Variants in LMCD1 observed in about 807,000 individuals in gnomAD.
The protein encoded by LMCD1 is LIM and cysteine rich domains 1.
A neutral mutation model predicts 42.7 loss-of-function variants in LMCD1; 32 were observed. The ratio of observed to expected loss-of-function variants is 0.75; its 90% CI spans 0.57 to 1.01. The LOEUF is 1.01. LMCD1 is among the 50% of genes least tolerant of loss of function. The probability of loss-of-function intolerance (pLI) is 0.00; values close to 1 mark genes in which losing one functional copy is unlikely to be tolerated. For synonymous variants in LMCD1, 178 were observed against 184.9 expected, an observed-to-expected ratio of 0.96 and a Z score of 0.30; for missense variants, 458 against 483.1, an observed-to-expected ratio of 0.95 and a Z score of 0.49.
chr3:8,501,923 C>T lies in LMCD1; in HGVS notation c.-16C>T, dbSNP rs756480461. The T allele has an allele frequency of 8.8e-6, 14 of 1,585,214 alleles. No individual in the cohort carries two copies. The highest frequency in any genetic ancestry group is 3.4e-5 in the South Asian group (3 of 87,614). ...TGCCTGAGAAGCCAGGCGCTGTTCC[C>T]CCACCCCAGAAGAGGATGGCAAAGG... On this transcript the variant is annotated 5_prime_UTR_variant, in exon 1 of 6. Coordinates refer to ENST00000157600, the MANE Select transcript of LMCD1 (RefSeq NM_014583.4).
intron 1 of LMCD1, among the ~76,000 whole-genome samples, chr3:8,503,850 G>A (rs780105938): frequency 3.3e-5 from 5 of 152,200 alleles, no homozygotes; most frequent in Admixed American, 6.5e-5. Flanking sequence ...ATATAAGCTG[G>A]TTGATAGTTA....
intron 1 of LMCD1, among the ~76,000 whole-genome samples, chr3:8,511,225 A>G (rs1377550069): frequency 6.6e-6 from 1 of 152,254 alleles, no homozygotes; most frequent in African/African-American, 2.4e-5. Flanking sequence ...TCACCATTAA[A>G]AGACCTAATG....
chr3:8,510,556 GT>G (rs1693976054), intron 1 of LMCD1, among the ~76,000 whole-genome samples: 1 of 152,142 alleles, frequency 6.6e-6, no homozygotes, highest in Non-Finnish European at 1.5e-5. Flanking sequence ...TCTTTCTACT[GT>G]GAATAAAGAC....
chr3:8,518,189 T>C (rs1694132966), intron 1 of LMCD1, among the ~76,000 whole-genome samples: 2 of 152,336 alleles, frequency 1.3e-5, no homozygotes, highest in South Asian at 4.1e-4. Context: ...CAGCAAATCA[T>C]TCAAGGGCAG....
intron 1 of LMCD1, among the ~76,000 whole-genome samples, chr3:8,527,253 G>A (rs1490093096): frequency 1.3e-5 from 2 of 152,332 alleles, no homozygotes; most frequent in Middle Eastern, 3.4e-3. Flanking sequence ...TTAAAGGCCA[G>A]TATAGGAAAA....
Position 8,537,449 on chromosome 3 carries a change from G to C in LMCD1, c.387+9G>C. The C allele has an allele frequency of 1.3e-6, 2 of 1,553,926 alleles. No homozygotes were observed. The highest frequency in any genetic ancestry group is 2.5e-5 in the South Asian group (2 of 81,268). On this transcript the variant is annotated intron_variant, in intron 3 of 5. Coordinates refer to ENST00000157600, the MANE Select transcript of LMCD1 (RefSeq NM_014583.4). The stretch of plus-strand genomic sequence containing the variant: ...GAGTCACCCAGAAACTGGTAAGAGA[G>C]CTTCCCCAACCAAGCAGTTGTTTTC...
chr3:8,525,707 G>A (rs779464385), intron 1 of LMCD1, among the ~76,000 whole-genome samples: 3 of 152,188 alleles, frequency 2.0e-5, no homozygotes, highest in Non-Finnish European at 4.4e-5. Context: ...TCCAGGAAGG[G>A]AGATTATTAA....
intron 4 of LMCD1, among the ~76,000 whole-genome samples, chr3:8,564,929 C>T: frequency 6.6e-6 from 1 of 152,164 alleles, no homozygotes. Context: ...TTCTGCAAGT[C>T]ATTGAAGAGA....
chr3:8,522,965 G>A (rs570165413), intron 1 of LMCD1, among the ~76,000 whole-genome samples: 8 of 152,142 alleles, frequency 5.3e-5, no homozygotes, highest in African/African-American at 1.4e-4. Flanking sequence ...ACCAGTCCAC[G>A]GGATAAATTT....
rs1162178766 is a variant in LMCD1 at position 8,565,481 on chromosome 3, A to T, written c.773A>T (p.Tyr258Phe). ...GCCCCTCCTGACAGCCCCGTGGTCT[A>T]CTCGGACAGGGCAGGCTACAACAAG... ...GAAPPDSPVVYSDRAGYNKQW... is the reference protein window; with the variant it reads ...GAAPPDSPVVFSDRAGYNKQW... The change falls in exon 5 of 6, where the codon TAC becomes TTC. Residue 258 changes from tyrosine (Y) to phenylalanine (F), a missense_variant. Transcript: ENST00000157600. 6.2e-7 allele frequency: 1 copy of T among 1,614,042 alleles called. No homozygotes were observed. Among genetic ancestry groups the T allele is most frequent in the East Asian group, 2.2e-5 (1 of 44,880 alleles).
At chr3:8,527,319 A>G (rs1694319319) in intron 1 of LMCD1, among the ~76,000 whole-genome samples, 1 of 152,228 alleles carries the variant, frequency 6.6e-6, no homozygotes, top group South Asian at 2.1e-4. Flanking sequence ...AATGGAGACC[A>G]TCTGGATGGG....
Position 8,548,592 on chromosome 3 carries a change from C to A in LMCD1, c.412C>A (p.Pro138Thr), listed in dbSNP as rs780338132. ...GGGACTGCAGTACATGGAGCTCATC[C>A]CCAAGGAGAAGCAGCCAGTGACAGG... The part of the protein sequence containing the change: ...KLGLQYMELI[P>T]KEKQPVTGTE... The change falls in exon 4 of 6, where the codon CCC becomes ACC. Residue 138 changes from proline (P) to threonine (T), a missense_variant. By Grantham distance (38) the Pro-to-Thr change is conservative (BLOSUM62 -1). Coordinates refer to ENST00000157600, the MANE Select transcript of LMCD1 (RefSeq NM_014583.4). The A allele has an allele frequency of 1.2e-5, 19 of 1,613,374 alleles. No homozygotes were observed. The highest frequency in any genetic ancestry group is 1.5e-5 in the Non-Finnish European group (18 of 1,179,574).
At chr3:8,524,720 C>A (rs1694267612) in intron 1 of LMCD1, among the ~76,000 whole-genome samples, 1 of 151,966 alleles carries the variant, frequency 6.6e-6, no homozygotes, top group East Asian at 1.9e-4. Flanking sequence ...GGGCTTCACT[C>A]TGTCATCCAG....
Position 8,501,870 on chromosome 3 carries a change from C to A in LMCD1, c.-69C>A. On this transcript the variant is annotated 5_prime_UTR_variant, in exon 1 of 6. In the 5' UTR this introduces an upstream ATG that the reference lacks. Coordinates refer to ENST00000157600, the MANE Select transcript of LMCD1 (RefSeq NM_014583.4). ...CGCGAACTTGGCCATTCAGCCGCCG[C>A]TGTCCCCGCTGCGCGCCCTCGCGCC... The A allele has an allele frequency of 6.8e-7, 1 of 1,462,492 alleles. No individual in the cohort carries two copies. Among genetic ancestry groups the A allele is most frequent in the Non-Finnish European group, 9.4e-7 (1 of 1,069,432 alleles). The allele number at this position is 1,462,492 out of a possible 1,614,324, so 90.6% of individuals were successfully genotyped here. A position where few individuals can be genotyped will look rare whatever the true frequency, so the allele number is the denominator to read the frequency against.
intron 4 of LMCD1, among the ~76,000 whole-genome samples, chr3:8,559,433 T>A (rs1694986578): frequency 6.6e-6 from 1 of 152,204 alleles, no homozygotes; most frequent in Non-Finnish European, 1.5e-5. Context: ...CACAATCCTA[T>A]GAGGTTGCTA....
At chr3:8,509,269 T>C (rs1249042577) in intron 1 of LMCD1, among the ~76,000 whole-genome samples, 1 of 152,166 alleles carries the variant, frequency 6.6e-6, no homozygotes, top group African/African-American at 2.4e-5. Flanking sequence ...GCTTCTAAGC[T>C]CTCAGACTGC....
chr3:8,524,321 G>C (rs1052379003), intron 1 of LMCD1, among the ~76,000 whole-genome samples: 3 of 152,150 alleles, frequency 2.0e-5, no homozygotes, highest in African/African-American at 7.2e-5. Flanking sequence ...CCTGAAGTTG[G>C]GGAGGGTTTG....
Position 8,567,789 on chromosome 3 carries a change from G to A in LMCD1, c.*191G>A, listed in dbSNP as rs1695153990. On this transcript the variant is annotated 3_prime_UTR_variant, in exon 6 of 6. Transcript: ENST00000157600. The stretch of plus-strand genomic sequence containing the variant: ...AGGTTGGGTGGTGGTAGATCCTTGA[G>A]GGTCAGTAGTTTCAAAACCAAAAAT... 1 of 423,238 alleles carries A rather than the reference G, an allele frequency of 2.4e-6. No individual in the cohort carries two copies. The highest frequency in any genetic ancestry group is 9.5e-5 in the South Asian group (1 of 10,562). The allele number at this position is 423,238 out of a possible 1,614,324, so 26.2% of individuals were successfully genotyped here. A position where few individuals can be genotyped will look rare whatever the true frequency, so the allele number is the denominator to read the frequency against.
In LMCD1 at chr3:8,559,574, T is replaced by G. The variant is rs116305950; in HGVS notation, c.724-5858T>G. On this transcript the variant is annotated intron_variant, in intron 4 of 5. Coordinates refer to ENST00000157600, the MANE Select transcript of LMCD1 (RefSeq NM_014583.4). The stretch of plus-strand genomic sequence containing the variant: ...TCCCCTCTCAGCCACCTGTTGCAAT[T>G]TAGAAATTGCAAACCTCGCTACAAA... Among the ~76,000 whole-genome samples, 550 of 152,236 alleles carry G rather than the reference T, an allele frequency of 3.6e-3. 4 individuals carry two copies. Among genetic ancestry groups the G allele is most frequent in the Middle Eastern group, 0.024 (7 of 294 alleles).
Sources: gnomAD v4.1 joint callset for allele counts (sites outside exome capture counted in the v4.1 genomes callset) on GRCh38, gnomAD v4.1.1 for gene constraint, MANE v1.5 for transcripts, NCBI Gene and HGNC (gene_info 2026-07-23, HGNC 2026-07-21) for gene names.